The following RFC3 variants were observed in gnomAD, a reference collection of about 807,000 sequenced individuals.
RFC3 encodes A1 38 kDa subunit.
A neutral mutation model predicts 45.1 loss-of-function variants in RFC3; 41 were observed. The observed-to-expected ratio is 0.91, with a 90% CI of 0.71 to 1.18. The LOEUF is 1.18. RFC3 is among the 50% of genes most tolerant of loss of function. RFC3 has a pLI of 0.00. For synonymous variants in RFC3, 149 were observed against 144.0 expected, an observed-to-expected ratio of 1.03 and a Z score of -0.25; for missense variants, 423 against 428.1, an observed-to-expected ratio of 0.99 and a Z score of 0.10.
intron 8 of RFC3, among the ~76,000 whole-genome samples, chr13:33,940,442 G>A (rs1250956342): frequency 6.6e-6 from 1 of 152,106 alleles, no homozygotes; most frequent in African/African-American, 2.4e-5. Flanking sequence ...TTGCTTTATA[G>A]CCCAGCATGT....
chr13:33,902,842 C>T (rs1244247482), intron 8 of RFC3, among the ~76,000 whole-genome samples: 6 of 151,882 alleles, frequency 4.0e-5, no homozygotes, highest in Admixed American at 3.3e-4. Flanking sequence ...TGTTTTGGCT[C>T]CCCTGGTCCA....
At chr13:33,955,694 G>T (rs1566041772) in intron 8 of RFC3, among the ~76,000 whole-genome samples, 1 of 152,190 alleles carries the variant, frequency 6.6e-6, no homozygotes, top group Non-Finnish European at 1.5e-5. Flanking sequence ...TGTACTTCAA[G>T]CAGTAGCTTA....
At chr13:33,925,238 T>A (rs2082799057) in intron 8 of RFC3, among the ~76,000 whole-genome samples, 1 of 74,224 alleles carries the variant, frequency 1.3e-5, no homozygotes, top group Non-Finnish European at 2.4e-5. Flanking sequence ...ACACATATAG[T>A]GTACTATATA....
At chr13:33,899,204 C>CAATAAAA (rs2082621758) in intron 8 of RFC3, among the ~76,000 whole-genome samples, 1 of 51,968 alleles carries the variant, frequency 1.9e-5, no homozygotes. Flanking sequence ...CACAATAAGA[C>CAATAAAA]AAAAAAAAAA....
At chr13:33,823,660 A>G (rs528982321) in intron 2 of RFC3, among the ~76,000 whole-genome samples, 5 of 152,120 alleles carry the variant, frequency 3.3e-5, no homozygotes, top group Non-Finnish European at 7.4e-5. Flanking sequence ...TGGTATACAG[A>G]TTTGGTTTGG....
At chr13:33,931,057 A>G (rs932568472) in intron 8 of RFC3, among the ~76,000 whole-genome samples, 1 of 152,068 alleles carries the variant, frequency 6.6e-6, no homozygotes, top group African/African-American at 2.4e-5. Flanking sequence ...TTTACATGAT[A>G]TGTAGGACTT....
chr13:33,930,115 T>A (rs1437130521), intron 8 of RFC3, among the ~76,000 whole-genome samples: 8 of 152,166 alleles, frequency 5.3e-5, no homozygotes, highest in Non-Finnish European at 1.0e-4. Context: ...ATTAGCTAAT[T>A]CATCTATCAG....
intron 8 of RFC3, among the ~76,000 whole-genome samples, chr13:33,880,791 G>A (rs1802281049): frequency 6.6e-6 from 1 of 152,178 alleles, no homozygotes; most frequent in East Asian, 1.9e-4. Context: ...TTAGTGGCTG[G>A]GCACGGTGGC....
rs576181180 is a variant in RFC3 at position 33,872,636 on chromosome 13, G to A, written c.879+37419G>A. 7.4e-4 allele frequency among the ~76,000 whole-genome samples: 112 copies of A among 152,276 alleles called. 4 individuals are homozygous for A. The South Asian group carries it at 0.022, about 29-fold the overall frequency. ...TAATACCAGCTACTCGGGAGGCTGA[G>A]GATGGAGAATCGCTTGAACCCAGGA... On this transcript the variant is annotated intron_variant, in intron 8 of 8. Coordinates refer to the RFC3 transcript ENST00000434425.
At chr13:33,914,459 A>G in intron 8 of RFC3, among the ~76,000 whole-genome samples, 1 of 152,104 alleles carries the variant, frequency 6.6e-6, no homozygotes, top group East Asian at 1.9e-4. Flanking sequence ...AGAAGTGGGC[A>G]CCCTGTGTAC....
intron 8 of RFC3, among the ~76,000 whole-genome samples, chr13:33,960,435 T>C (rs2083049705): frequency 1.3e-5 from 2 of 152,156 alleles, no homozygotes; most frequent in Non-Finnish European, 2.9e-5. Context: ...CCTGACCTTA[T>C]CTGTATAAAA....
chr13:33,831,096 C>T (rs878906846), intron 6 of RFC3, among the ~76,000 whole-genome samples, 160 bp from the exon 7 acceptor site: 6 of 152,144 alleles, frequency 3.9e-5, no homozygotes, highest in Non-Finnish European at 2.9e-5. Context: ...ATCACTGGTC[C>T]GACAGGAGGT....
At chr13:33,879,111 G>A (rs12585768) in intron 8 of RFC3, among the ~76,000 whole-genome samples, 9,694 of 152,074 alleles carry the variant, frequency 0.064, 639 homozygotes, top group East Asian at 0.16. Flanking sequence ...CTACTTTGAT[G>A]TGAAATTCAG....
chr13:33,922,058 T>C (rs984802115), intron 8 of RFC3, among the ~76,000 whole-genome samples: 2 of 151,556 alleles, frequency 1.3e-5, no homozygotes, highest in Non-Finnish European at 2.9e-5. Flanking sequence ...GGAGTGAAAA[T>C]GACACTTATT....
chr13:33,966,430 A>G, exon 9 of RFC3: 1 of 399,314 alleles, frequency 2.5e-6, no homozygotes, highest in Non-Finnish European at 4.6e-6. Flanking sequence ...AATGGGGACC[A>G]TGGAAGTTTA....
chr13:33,932,557 T>A (rs541900157), intron 8 of RFC3, among the ~76,000 whole-genome samples: 1 of 152,182 alleles, frequency 6.6e-6, no homozygotes, highest in South Asian at 2.1e-4. Flanking sequence ...TTATCAGCAA[T>A]ATGAGAAATT....
chr13:33,895,609 A>G lies in RFC3; in HGVS notation c.879+60392A>G, dbSNP rs142261394. 1.4e-3 allele frequency among the ~76,000 whole-genome samples: 219 copies of G among 152,262 alleles called. 4 individuals carry two copies. The East Asian group carries it at 0.037, about 26-fold the overall frequency. On this transcript the variant is annotated intron_variant, in intron 8 of 8. Coordinates refer to the RFC3 transcript ENST00000434425. ...TTCTTAAAGGTCTGGATATTTCTCT[A>G]TTTCTAAAAGTAGATCTACCATTTG...
At chr13:33,938,654 T>C (rs1435064664) in intron 8 of RFC3, among the ~76,000 whole-genome samples, 1 of 152,208 alleles carries the variant, frequency 6.6e-6, no homozygotes, top group Non-Finnish European at 1.5e-5. Context: ...AGTATGCCAT[T>C]GTATGAATAT....
chr13:33,853,622 C>G (rs1305677323), intron 8 of RFC3, among the ~76,000 whole-genome samples: 3 of 152,080 alleles, frequency 2.0e-5, no homozygotes, highest in African/African-American at 7.2e-5. Context: ...AGAAAGAATA[C>G]AGGGAGAAAG....
Sources: gnomAD v4.1 joint callset for allele counts (sites outside exome capture counted in the v4.1 genomes callset) on GRCh38, gnomAD v4.1.1 for gene constraint, MANE v1.5 for transcripts, NCBI Gene and HGNC (gene_info 2026-07-23, HGNC 2026-07-21) for gene names.